Variants in SF3B3 observed in about 807,000 individuals in gnomAD.
SF3B3 encodes the protein SAP 130.
In SF3B3, 33 loss-of-function variants were observed where a neutral mutation model predicts 139.2. The observed-to-expected ratio is 0.24, with a 90% CI of 0.18 to 0.32. The LOEUF is 0.32. Ranked by LOEUF, SF3B3 falls within the 10% of genes least tolerant of loss-of-function variation. SF3B3 has a pLI of 1.00. For synonymous variants in SF3B3, 596 were observed against 563.6 expected (o/e 1.06, Z -0.81); for missense variants, 818 against 1,509.4 (o/e 0.54, Z 7.59).
chr16:70,557,527 A>G (rs1298163138), intron 15 of SF3B3, among the ~76,000 whole-genome samples: 5 of 152,210 alleles, frequency 3.3e-5, no homozygotes, highest in African/African-American at 1.2e-4. Context: ...ACATCTAAGT[A>G]ATCTAGCCCA....
At chr16:70,560,626 T>C (rs1353995506) in intron 16 of SF3B3, 35 bp downstream of exon 16, 7 of 1,608,472 alleles carry the variant, frequency 4.4e-6, no homozygotes, top group Non-Finnish European at 5.9e-6. Flanking sequence ...GCAACATCTT[T>C]GGGATTTTAG....
intron 19 of SF3B3, 24 bp downstream of exon 19, chr16:70,565,294 G>T (rs1246104108): frequency 6.8e-6 from 11 of 1,613,602 alleles, no homozygotes; most frequent in Admixed American, 1.7e-5. Flanking sequence ...GACAGTCCAG[G>T]GTTTGGCAGG....
intron 24 of SF3B3, 39 bp downstream of exon 24, chr16:70,570,188 G>GT (rs760471354): frequency 6.2e-7 from 1 of 1,609,936 alleles, no homozygotes; most frequent in African/African-American, 1.3e-5. Context: ...GACTTTTAAG[G>GT]TTGTTTCTTG....
chr16:70,530,680 C>T, intron 3 of SF3B3, 65 bp from the exon 4 acceptor site: 3 of 1,298,870 alleles, frequency 2.3e-6, no homozygotes, highest in Middle Eastern at 3.8e-4. Context: ...GTGACTCTAG[C>T]TGTTCTATAA....
chr16:70,528,983 G>A lies in SF3B3; in HGVS notation c.181G>A (p.Val61Ile). The change falls in exon 3 of 26, where the codon GTT (valine) becomes ATT (isoleucine). Residue 61 changes from valine (V) to isoleucine (I), a missense_variant. Val to Ile is a conservative substitution (Grantham distance 29, BLOSUM62 3). This residue lies in a region of SF3B3 where 144 missense variants were observed against 259.2 expected (regional missense o/e 0.56). Transcript: ENST00000302516. ...CCTACTCACTGTGGAAGTATTCGGT[G>A]TTATCCGGTCACTCATGGCCTTTAG... Reference protein sequence around the residue: ...HTLLTVEVFGVIRSLMAFRLT... With the variant: ...HTLLTVEVFGIIRSLMAFRLT... 1 of 1,614,160 alleles carries A rather than the reference G, an allele frequency of 6.2e-7. No individual in the cohort carries two copies. The highest frequency in any genetic ancestry group is 1.7e-5 in the Admixed American group (1 of 60,030).
In SF3B3 at chr16:70,576,987, G is replaced by A. The variant is rs1433941572; in HGVS notation, c.*5174G>A. ...TCTCCAAAAATACAAAAATTAGCCA[G>A]GCATGGTGGTGCACACTTGTAGTCC... On this transcript the variant is annotated 3_prime_UTR_variant, in exon 26 of 26. Transcript: ENST00000302516. The A allele has an allele frequency of 6.6e-6, 1 of 152,230 alleles. No homozygotes were observed. The highest frequency in any genetic ancestry group is 2.4e-5 in the African/African-American group (1 of 41,424). 9.4% of individuals were successfully genotyped at this position (152,230 alleles called of 1,614,324 possible).
chr16:70,539,325 A>G, intron 8 of SF3B3, 118 bp downstream of exon 8: 1 of 734,786 alleles, frequency 1.4e-6, no homozygotes, highest in East Asian at 2.6e-5. Context: ...AGGTGGGTGA[A>G]TCACCTGAGG....
At chr16:70,570,472 A>G (rs1021308354) in intron 24 of SF3B3, among the ~76,000 whole-genome samples, 1 of 151,746 alleles carries the variant, frequency 6.6e-6, no homozygotes, top group Non-Finnish European at 1.5e-5. Flanking sequence ...CTGGGAATAC[A>G]GGCGCCCGCC....
At chr16:70,548,322 C>G in intron 10 of SF3B3, 48 bp from the exon 11 acceptor site, 1 of 1,462,518 alleles carries the variant, frequency 6.8e-7, no homozygotes, top group South Asian at 1.1e-5. Flanking sequence ...AAGCAGGTAG[C>G]TGAGTTGCAT....
chr16:70,569,969 G>A, intron 23 of SF3B3, 37 bp from the exon 24 acceptor site: 1 of 1,612,914 alleles, frequency 6.2e-7, no homozygotes, highest in South Asian at 1.1e-5. Context: ...AGGCTCCTGA[G>A]GGTGCACACA....
Position 70,560,495 on chromosome 16 carries a change from G to A in SF3B3, c.2037G>A (p.Leu679=). 9.9e-6 allele frequency: 16 copies of A among 1,613,856 alleles called. No individual in the cohort carries two copies. Among genetic ancestry groups the A allele is most frequent in the Non-Finnish European group, 1.4e-5 (16 of 1,179,822 alleles). ...ACGGTGTGCTGCTGAGGACTGTCTT[G>A]GACCCTGTCACTGGGGATTTGTCTG... The part of the protein sequence containing the change: ...LQNGVLLRTV[L]DPVTGDLSDT... Residue 679 remains leucine (L), a synonymous_variant, in exon 16 of 26, where the codon TTG becomes TTA. Transcript: ENST00000302516.
chr16:70,529,480 T>A, intron 3 of SF3B3: 1 of 433,438 alleles, frequency 2.3e-6, no homozygotes, highest in Non-Finnish European at 4.2e-6. Context: ...GATCTTATGT[T>A]ATTAGACAGT....
In SF3B3 at chr16:70,558,313, G is replaced by A. The variant is rs755556028; in HGVS notation, c.2010+1284G>A. Reference sequence around the variant, plus strand: ...TAAAAAAAAATAGAGATAGGGTCTCGCTGTGTTGCTCAGACTGGTCTTGAA... The same window carrying A: ...TAAAAAAAAATAGAGATAGGGTCTCACTGTGTTGCTCAGACTGGTCTTGAA... On this transcript the variant is annotated intron_variant, in intron 15 of 25. Coordinates refer to ENST00000302516, the MANE Select transcript of SF3B3 (RefSeq NM_012426.5). 2.0e-5 allele frequency among the ~76,000 whole-genome samples: 3 copies of A among 150,502 alleles called. 1 individual carries two copies. Among genetic ancestry groups the A allele is most frequent in the East Asian group, 1.9e-4 (1 of 5,152 alleles).
intron 10 of SF3B3, among the ~76,000 whole-genome samples, chr16:70,548,069 G>A (rs980924942): frequency 6.6e-6 from 1 of 152,210 alleles, no homozygotes; most frequent in South Asian, 2.1e-4. Context: ...ATTCCCAGTG[G>A]TTACTGCTGT....
chr16:70,569,958 G>T (rs757779186), intron 23 of SF3B3, 48 bp from the exon 24 acceptor site: 1 of 1,610,344 alleles, frequency 6.2e-7, no homozygotes, highest in East Asian at 2.2e-5. Flanking sequence ...GGAGTCCAGG[G>T]AGGCTCCTGA....
chr16:70,545,833 C>A (rs1567416012), intron 10 of SF3B3, among the ~76,000 whole-genome samples: 2 of 152,270 alleles, frequency 1.3e-5, no homozygotes, highest in East Asian at 3.9e-4. Context: ...TAAGGTATGG[C>A]ATGAAGTGTT....
intron 11 of SF3B3, among the ~76,000 whole-genome samples, chr16:70,553,485 T>TA (rs1323818453): frequency 2.0e-5 from 3 of 152,304 alleles, no homozygotes; most frequent in South Asian, 4.1e-4. Flanking sequence ...CCTTTTTTTT[T>TA]AACCTGATTT....
intron 6 of SF3B3, among the ~76,000 whole-genome samples, chr16:70,537,056 G>C (rs956012142): frequency 3.3e-5 from 5 of 152,006 alleles, no homozygotes; most frequent in Non-Finnish European, 7.4e-5. Flanking sequence ...TGATCTGCCT[G>C]CCTCAGCCTC....
intron 11 of SF3B3, chr16:70,550,583 A>G: frequency 1.2e-6 from 1 of 840,062 alleles, no homozygotes; most frequent in African/African-American, 1.8e-5. Context: ...TTCCAGGCAA[A>G]TACTAACCTT....
Sources: allele counts gnomAD v4.1 joint callset (sites outside exome capture counted in the v4.1 genomes callset), GRCh38; gene constraint gnomAD v4.1.1; regional missense constraint gnomAD v4.1.1; transcripts MANE v1.5; gene names NCBI Gene and HGNC (gene_info 2026-07-23, HGNC 2026-07-21).